The following SOD2 variants were observed in gnomAD, a reference collection of about 807,000 sequenced individuals.
The protein encoded by SOD2 is superoxide dismutase 2, also known as superoxide dismutase [Mn], mitochondrial.
In SOD2, 11 loss-of-function variants were observed where a neutral mutation model predicts 27.0. The ratio of observed to expected loss-of-function variants is 0.41; its 90% CI spans 0.26 to 0.67. The LOEUF (loss-of-function observed/expected upper bound fraction) is 0.67, where lower values mean the gene tolerates loss of function less well. Ranked by LOEUF, SOD2 falls within the 30% of genes least tolerant of loss-of-function variation. SOD2 has a pLI of 0.34. For missense variants in SOD2, 250 were observed against 274.5 expected (o/e 0.91, Z 0.63); for synonymous variants, 105 against 103.0 (o/e 1.02, Z -0.12).
intron 1 of SOD2, among the ~76,000 whole-genome samples, chr6:159,699,538 C>G (rs1321176049): frequency 6.6e-6 from 1 of 151,966 alleles, no homozygotes; most frequent in Non-Finnish European, 1.5e-5. Context: ...GACACCACCT[C>G]TTCCCCATTA....
intron 1 of SOD2, among the ~76,000 whole-genome samples, chr6:159,732,853 T>C (rs1778663180): frequency 1.5e-5 from 1 of 67,796 alleles, no homozygotes; most frequent in Non-Finnish European, 2.6e-5. Flanking sequence ...TGCTTCTTTC[T>C]CTCTCTCTCT....
chr6:159,748,143 GTA>G, upstream of SOD2: 1 of 1,566,750 alleles, frequency 6.4e-7, no homozygotes, highest in Non-Finnish European at 8.7e-7. This position sits in a 1 kb window ranked among gnomAD's most constrained non-coding sequence, Gnocchi z 5.6. Context: ...ACCTTCTTAT[GTA>G]TGTTTCCTTT....
At chr6:159,706,006 C>A (rs1286822973) in intron 1 of SOD2, among the ~76,000 whole-genome samples, 1 of 152,160 alleles carries the variant, frequency 6.6e-6, no homozygotes, top group African/African-American at 2.4e-5. Context: ...AATTTCATAT[C>A]CAGCCAAACT....
At chr6:159,726,824 C>T (rs928873529) in intron 1 of SOD2, 6 of 1,289,096 alleles carry the variant, frequency 4.7e-6, no homozygotes, top group African/African-American at 3.0e-5. Flanking sequence ...AGAGGGAAGG[C>T]ATCGGTTTCT....
chr6:159,762,117 C>A, exon 1 of SOD2: 2 of 1,612,962 alleles, frequency 1.2e-6, no homozygotes, highest in Non-Finnish European at 8.5e-7. Flanking sequence ...CTGTGGTCAT[C>A]GTCTCGGCGG....
chr6:159,694,761 A>ATT (rs34851405), upstream of SOD2, among the ~76,000 whole-genome samples: 3,936 of 140,468 alleles, frequency 0.028, 62 homozygotes, highest in African/African-American at 0.037. Context: ...ACGCCCCACT[A>ATT]TTTTTTTTTT....
upstream of SOD2, among the ~76,000 whole-genome samples, chr6:159,695,556 G>A (rs942685104): frequency 2.0e-5 from 3 of 152,122 alleles, no homozygotes; most frequent in African/African-American, 4.8e-5. Context: ...GGAGTGCAGC[G>A]GCGTGATCAC....
At chr6:159,685,430 CA>C (rs1158190569) in intron 3 of SOD2, among the ~76,000 whole-genome samples, 1 of 151,826 alleles carries the variant, frequency 6.6e-6, no homozygotes, top group Admixed American at 6.6e-5. Flanking sequence ...TTAGTAGAGA[CA>C]GGGTTTCTCC....
exon 1 of SOD2, chr6:159,727,309 G>C: frequency 1.6e-6 from 2 of 1,280,716 alleles, no homozygotes; most frequent in Non-Finnish European, 2.0e-6. Flanking sequence ...AGTGACTGCG[G>C]CCACGCCTGA....
upstream of SOD2, among the ~76,000 whole-genome samples, chr6:159,694,954 A>T (rs1777393099): frequency 6.6e-6 from 1 of 151,964 alleles, no homozygotes; most frequent in Admixed American, 6.6e-5. Flanking sequence ...TGTGATTGTT[A>T]ATTGGAAGCT....
chr6:159,761,908 G>A (rs1451044862), exon 1 of SOD2: 1 of 487,948 alleles, frequency 2.0e-6, no homozygotes, highest in Non-Finnish European at 3.2e-6. Context: ...GCCTCCGCCC[G>A]CCCCTGCTCC....
chr6:159,751,430 G>C (rs1279126227), intron 1 of SOD2, among the ~76,000 whole-genome samples: 1 of 152,232 alleles, frequency 6.6e-6, no homozygotes, highest in Non-Finnish European at 1.5e-5. Flanking sequence ...CAAGAAGACA[G>C]TTTTGAGAGC....
chr6:159,743,598 G>T lies in SOD2; in HGVS notation c.-116+1532C>A, dbSNP rs1028956102. The stretch of plus-strand genomic sequence containing the variant: ...TAATTTTTTGACCCTAGTTCTTATT[G>T]TTCTTGACAGAGGTATTTAGAACTT... On this transcript the variant is annotated intron_variant, in intron 1 of 3. Coordinates refer to the SOD2 transcript ENST00000537657. 3.5e-5 allele frequency: 51 copies of T among 1,450,430 alleles called. No individual in the cohort carries two copies. The African/African-American group carries it at 5.9e-4, about 17-fold the overall frequency. 89.8% of individuals were successfully genotyped at this position (1,450,430 alleles called of 1,614,324 possible). A position where few individuals can be genotyped will look rare whatever the true frequency, so the allele number is the denominator to read the frequency against.
At chr6:159,703,604 C>CA (rs1169714469) in intron 1 of SOD2, among the ~76,000 whole-genome samples, 7 of 152,154 alleles carry the variant, frequency 4.6e-5, no homozygotes, top group African/African-American at 1.7e-4. Flanking sequence ...AGTGTACACT[C>CA]ACATGCCTTA....
At chr6:159,730,685 T>G (rs950666574), upstream of SOD2, among the ~76,000 whole-genome samples, 4 of 152,352 alleles carry the variant, frequency 2.6e-5, no homozygotes, top group African/African-American at 7.2e-5. Flanking sequence ...ATTTTCTTTC[T>G]AAATACTGAG....
chr6:159,754,459 T>C (rs1331701253), intron 1 of SOD2, among the ~76,000 whole-genome samples: 2 of 152,314 alleles, frequency 1.3e-5, no homozygotes, highest in African/African-American at 2.4e-5. Flanking sequence ...AGTCAAACTT[T>C]GGGGCTGTAA....
intron 1 of SOD2, chr6:159,739,054 T>G: frequency 1.2e-6 from 2 of 1,608,792 alleles, no homozygotes; most frequent in Non-Finnish European, 1.7e-6. Context: ...AGGTAAAATG[T>G]TCTCTGTTCA....
At position 159,712,402 on chromosome 6, in the gene SOD2, A is replaced by G. The variant is rs1476169780; in HGVS notation, c.-116+14727T>C. Among the ~76,000 whole-genome samples, 80 of 93,756 alleles carry G rather than the reference A, an allele frequency of 8.5e-4. 1 individual carries two copies. Among genetic ancestry groups the G allele is most frequent in the Non-Finnish European group, 1.0e-3 (45 of 43,690 alleles). The allele number at this position is 93,756 out of a possible 152,430, so 61.5% of individuals were successfully genotyped here. A position where few individuals can be genotyped will look rare whatever the true frequency, so the allele number is the denominator to read the frequency against. On this transcript the variant is annotated intron_variant, in intron 1 of 2. Coordinates refer to the SOD2 transcript ENST00000401980. ...AACCACCTCCATAACCACCACTCAC[A>G]CTGCTCTGATCACCATAACCACCTC...
chr6:159,745,664 A>G (rs994067990), upstream of SOD2, among the ~76,000 whole-genome samples: 82 of 152,304 alleles, frequency 5.4e-4, no homozygotes, highest in African/African-American at 1.6e-3. Flanking sequence ...AGAGGGGACT[A>G]CTGAAGAATT....
Sources: gnomAD v4.1 joint callset for allele counts (sites outside exome capture counted in the v4.1 genomes callset) on GRCh38, gnomAD v4.1.1 for gene constraint, Gnocchi (gnomAD v3.1) non-coding constraint, MANE v1.5 for transcripts, NCBI Gene and HGNC (gene_info 2026-07-23, HGNC 2026-07-21) for gene names.